The following CABLES2 variants were observed in gnomAD, a reference collection of about 807,000 sequenced individuals.
CABLES2 encodes the protein CDK5 and ABL1 enzyme substrate 2.
In CABLES2, 35 loss-of-function variants were observed where a neutral mutation model predicts 44.8. That is an observed-to-expected ratio of 0.78 (90% CI 0.60 to 1.04). The LOEUF is 1.04. CABLES2 is among the 50% of genes least tolerant of loss of function. The pLI is 0.00. For missense variants in CABLES2, 566 were observed against 615.7 expected (o/e 0.92, Z 0.85); for synonymous variants, 282 against 281.1 (o/e 1.00, Z -0.03).
chr20:62,394,828 C>G, intron 4 of CABLES2, 109 bp downstream of exon 4: 1 of 967,396 alleles, frequency 1.0e-6, no homozygotes, highest in South Asian at 1.6e-5. Flanking sequence ...CCGGGGGCAG[C>G]CGCACCTGGG....
chr20:62,393,517 G>T lies in CABLES2; in HGVS notation c.803C>A (p.Pro268His). 1 of 1,613,598 alleles carries T rather than the reference G, an allele frequency of 6.2e-7. No homozygotes were observed. The highest frequency in any genetic ancestry group is 1.7e-4 in the Middle Eastern group (1 of 6,060). Residue 268 changes from proline to histidine, a missense_variant, in exon 6 of 10, where the codon CCC becomes CAC. Physicochemically the swap from Pro to His is moderately conservative, Grantham distance 77. Around this residue, in one of 2 missense-constraint regions of CABLES2, gnomAD observed 436 missense variants for 536.3 expected, o/e 0.81. Transcript: ENST00000279101. Reference protein sequence around the residue: ...DSHGLLPTPRPSVPRTLPGSR... With the variant: ...DSHGLLPTPRHSVPRTLPGSR... ...CCCTGGCAGAGTCCGGGGGACACTGGGCCGAGGTGTGGGCAGCAGGCCATG... is the reference window on the plus strand; with the variant it reads ...CCCTGGCAGAGTCCGGGGGACACTGTGCCGAGGTGTGGGCAGCAGGCCATG...
chr20:62,396,553 C>T lies in CABLES2; in HGVS notation c.402G>A (p.Leu134=), dbSNP rs779572461. The T allele has an allele frequency of 1.9e-6, 3 of 1,613,720 alleles. No homozygotes were observed. Among genetic ancestry groups the T allele is most frequent in the South Asian group, 1.1e-5 (1 of 91,070 alleles). Residue 134 remains leucine (L), a synonymous_variant, in exon 2 of 10, where the codon CTG becomes CTA. Coordinates refer to ENST00000279101, the MANE Select transcript of CABLES2 (RefSeq NM_031215.3). This position sits in a 1 kb window ranked among gnomAD's most constrained non-coding sequence, Gnocchi z 5.7. Reference sequence around the variant, plus strand: ...CTGGAGCGCATCCCACGGCATCTTCCAGAAACTCCAGGGAGCAGCGCTGGG... The same window carrying T: ...CTGGAGCGCATCCCACGGCATCTTCTAGAAACTCCAGGGAGCAGCGCTGGG... ...VTSQRCSLEF[L]EDAVGCAPAQ...
intron 1 of CABLES2, among the ~76,000 whole-genome samples, chr20:62,400,355 G>A (rs1988165908): frequency 6.6e-6 from 1 of 152,220 alleles, no homozygotes; most frequent in Admixed American, 6.5e-5. Context: ...GCTGCATGCT[G>A]AGGGGGTGTG....
chr20:62,393,032 G>C lies in CABLES2; in HGVS notation c.881-9C>G. 6.2e-7 allele frequency: 1 copy of C among 1,610,468 alleles called. No individual in the cohort carries two copies. Among genetic ancestry groups the C allele is most frequent in the South Asian group, 1.1e-5 (1 of 91,016 alleles). ...GTCCCCCACGTCACTCCCTGTAAGA[G>C]AGGCAACCCCTGACCCACCAGGAGT... On this transcript the variant is annotated splice_polypyrimidine_tract_variant and intron_variant, in intron 6 of 9. Coordinates refer to ENST00000279101, the MANE Select transcript of CABLES2 (RefSeq NM_031215.3).
rs772434218 is a variant in CABLES2, at chr20:62,391,129, G to A, written c.1297-18C>T. 3.9e-5 allele frequency: 63 copies of A among 1,613,476 alleles called. No homozygotes were observed. The highest frequency in any genetic ancestry group is 5.1e-5 in the Non-Finnish European group (60 of 1,179,652). On this transcript the variant is annotated intron_variant, in intron 9 of 9. Transcript: ENST00000279101. This position sits in a 1 kb window ranked among gnomAD's most constrained non-coding sequence, Gnocchi z 5.7. ...TCTAACTTCTGCAGGGGAGAAGAGA[G>A]AAGGGTTACACGGGAGCCTTCCCTC...
rs1988315173 is a variant in CABLES2, at chr20:62,407,214, TG to T, written c.62del (p.Pro21HisfsTer138). The T allele has an allele frequency of 1.1e-6, 1 of 952,066 alleles. No homozygotes were observed. Among genetic ancestry groups the T allele is most frequent in the South Asian group, 4.9e-5 (1 of 20,366 alleles). The allele number at this position is 952,066 out of a possible 1,614,324, so 59.0% of individuals were successfully genotyped here. On this transcript the variant is annotated frameshift_variant, in exon 1 of 10. Coordinates refer to ENST00000279101, the MANE Select transcript of CABLES2 (RefSeq NM_031215.3). LOFTEE classifies it high-confidence loss of function. ...GAGCGGCCGAGGTCGGCGCGGCGGGTGGCGGGGGCCCGGCGGGGCCGGGGGC... is the reference window on the plus strand; with the variant it reads ...GAGCGGCCGAGGTCGGCGCGGCGGGTGCGGGGGCCCGGCGGGGCCGGGGGC... Reference protein sequence around the residue: ...GPAPGPAGPPPPAAPTSAARA... With the variant: ...GPAPGPAGPPXPAAPTSAARA...
intron 1 of CABLES2, among the ~76,000 whole-genome samples, chr20:62,399,438 G>A (rs1242582930): frequency 6.6e-5 from 10 of 151,450 alleles, no homozygotes; most frequent in South Asian, 2.1e-4. Context: ...TAGTAGAGAC[G>A]GGGTTTCACC....
At chr20:62,392,817 C>T (rs1037581442) in intron 7 of CABLES2, 103 bp downstream of exon 7, 30 of 1,025,138 alleles carry the variant, frequency 2.9e-5, no homozygotes, top group Admixed American at 7.2e-5. Flanking sequence ...GATGGGGGCA[C>T]GTCACGCCCC....
At chr20:62,398,128 TGAC>T in intron 1 of CABLES2, among the ~76,000 whole-genome samples, 1 of 79,176 alleles carries the variant, frequency 1.3e-5, no homozygotes, top group Non-Finnish European at 2.7e-5. Flanking sequence ...GTGGTGGTTA[TGAC>T]GGTGGTGATG....
rs73316970 is a variant in CABLES2, at chr20:62,393,818, G to T, written c.715-213C>A. Among the ~76,000 whole-genome samples the T allele has an allele frequency of 8.7e-3, 1,324 of 152,314 alleles. 18 individuals carry two copies. Among genetic ancestry groups the T allele is most frequent in the African/African-American group, 0.03 (1,242 of 41,560 alleles). On this transcript the variant is annotated intron_variant, in intron 5 of 9. Transcript: ENST00000279101. ...CGGAACACTACTGTGCTTTATCTGGGTTCTGTAGCCTGTAACGTTCTCCCT... is the reference window on the plus strand; with the variant it reads ...CGGAACACTACTGTGCTTTATCTGGTTTCTGTAGCCTGTAACGTTCTCCCT...
chr20:62,407,136 G>A lies in CABLES2; in HGVS notation c.141C>T (p.Ala47=). ...AGATGTTGTTGAGGAAGAAAAGCGC[G>A]GCCTGGCGGCGCCGCGAGTCCCCGC... ...RRRGDSRRRQ[A]ALFFLNNISL... Residue 47 remains alanine, a synonymous_variant, in exon 1 of 10, where the codon GCC becomes GCT. Coordinates refer to ENST00000279101, the MANE Select transcript of CABLES2 (RefSeq NM_031215.3). The A allele has an allele frequency of 9.8e-7, 1 of 1,025,456 alleles. No homozygotes were observed. The allele number at this position is 1,025,456 out of a possible 1,614,324, so 63.5% of individuals were successfully genotyped here. A position where few individuals can be genotyped will look rare whatever the true frequency, so the allele number is the denominator to read the frequency against.
At chr20:62,398,151 G>GTGACGGTGGTGATGA in intron 1 of CABLES2, among the ~76,000 whole-genome samples, 1 of 126,158 alleles carries the variant, frequency 7.9e-6, no homozygotes, top group Admixed American at 8.2e-5. Context: ...GGTGGTGGTG[G>GTGACGGTGGTGATGA]TGGTGACGGT....
At position 62,396,388 on chromosome 20, in the gene CABLES2, A is replaced by C. The variant is rs1988020407; in HGVS notation, c.454T>G (p.Ser152Ala). 6.2e-7 allele frequency: 1 copy of C among 1,613,054 alleles called. No homozygotes were observed. Among genetic ancestry groups the C allele is most frequent in the South Asian group, 1.1e-5 (1 of 91,010 alleles). ...TTCTTCAGGCCTTTATGTCTCGGTG[A>C]TCCAGATGTGTGTTTGGTTCTGCAA... Reference protein sequence around the residue: ...PAQRTKHTSGSPRHKGLKKTH... With the variant: ...PAQRTKHTSGAPRHKGLKKTH... Residue 152 changes from serine (S) to alanine (A), a missense_variant, in exon 3 of 10, where the codon TCA becomes GCA. Ser to Ala is a moderately conservative substitution (Grantham distance 99, BLOSUM62 1). Coordinates refer to ENST00000279101, the MANE Select transcript of CABLES2 (RefSeq NM_031215.3). This position sits in a 1 kb window ranked among gnomAD's most constrained non-coding sequence, Gnocchi z 5.7.
At position 62,392,901 on chromosome 20, in the gene CABLES2, C is replaced by T. The variant is rs1334185642; in HGVS notation, c.984+19G>A. On this transcript the variant is annotated intron_variant, in intron 7 of 9. Transcript: ENST00000279101. ...GGTGTGCAGCTGCCTGCACCCAGGC[C>T]CTGGGAGAGGGCACTCACCATGTAC... 1.2e-6 allele frequency: 2 copies of T among 1,609,364 alleles called. No homozygotes were observed. Among genetic ancestry groups the T allele is most frequent in the Non-Finnish European group, 8.5e-7 (1 of 1,176,118 alleles).
rs748439067 is a variant in CABLES2 at position 62,391,277 on chromosome 20, C to T, written c.1268G>A (p.Arg423His). ...GATGAGCTGCGTCACGCCGCTCTTG[C>T]GCAGGTCACTGCTGATCTTGGCAGC... ...LLAAKISSDL[R>H]KSGVTQLIDK... Residue 423 changes from arginine to histidine, a missense_variant, in exon 9 of 10, where the codon CGC becomes CAC. Coordinates refer to ENST00000279101, the MANE Select transcript of CABLES2 (RefSeq NM_031215.3). The surrounding 1 kb of genome is among the most constrained non-coding windows in gnomAD (Gnocchi z 5.7). 5 of 1,612,284 alleles carry T rather than the reference C, an allele frequency of 3.1e-6. No individual in the cohort carries two copies. The highest frequency in any genetic ancestry group is 1.1e-5 in the South Asian group (1 of 91,078).
Position 62,391,317 on chromosome 20 carries a change from C to T in CABLES2, c.1228G>A (p.Ala410Thr), listed in dbSNP as rs766780171. The T allele has an allele frequency of 4.3e-6, 7 of 1,613,234 alleles. No individual in the cohort carries two copies. In the South Asian group the frequency reaches 5.5e-5, roughly 13 times the overall value. ...ATCTTGGCAGCCAGCAGCACGCAGG[C>T]GCCAGCGCACAGCTTGCGGTTCTGT... ...SKQNRKLCAG[A>T]CVLLAAKISS... Residue 410 changes from alanine (A) to threonine (T), a missense_variant, in exon 9 of 10, where the codon GCC becomes ACC. Around this residue, in one of 2 missense-constraint regions of CABLES2, gnomAD observed 436 missense variants for 536.3 expected, o/e 0.81. Transcript: ENST00000279101. The surrounding 1 kb of genome is among the most constrained non-coding windows in gnomAD (Gnocchi z 5.7).
chr20:62,400,559 G>T (rs1288115148), intron 1 of CABLES2, among the ~76,000 whole-genome samples: 1 of 152,176 alleles, frequency 6.6e-6, no homozygotes, highest in Non-Finnish European at 1.5e-5. Context: ...TACAAGGCTG[G>T]GCCTGGAGGC....
intron 1 of CABLES2, among the ~76,000 whole-genome samples, chr20:62,398,126 T>TGGTGGTGGTGGTG (rs1988095085): frequency 5.6e-5 from 1 of 17,814 alleles, no homozygotes. Flanking sequence ...TGGTGGTGGT[T>TGGTGGTGGTGGTG]ATGACGGTGG....
intron 1 of CABLES2, among the ~76,000 whole-genome samples, chr20:62,401,562 G>T (rs1165847464): frequency 1.3e-5 from 2 of 152,204 alleles, no homozygotes; most frequent in Non-Finnish European, 2.9e-5. Context: ...GACATGGAGA[G>T]GATCACGCAT....
Sources: gnomAD v4.1 joint callset for allele counts (sites outside exome capture counted in the v4.1 genomes callset) on GRCh38, gnomAD v4.1.1 for gene constraint, gnomAD v4.1.1 regional missense constraint, Gnocchi (gnomAD v3.1) non-coding constraint, MANE v1.5 for transcripts, NCBI Gene and HGNC (gene_info 2026-07-23, HGNC 2026-07-21) for gene names.